PARVB: variants seen among roughly 807,000 people sequenced by gnomAD.
The protein encoded by PARVB is parvin beta.
PARVB carries 46 observed loss-of-function variants against 47.0 expected under a neutral mutation model. The observed-to-expected ratio is 0.98, with a 90% CI of 0.77 to 1.25. The LOEUF (loss-of-function observed/expected upper bound fraction) is 1.25, where lower values mean the gene tolerates loss of function less well. Ranked by LOEUF, PARVB falls within the 50% of genes most tolerant of loss-of-function variation. The probability of loss-of-function intolerance (pLI) is 0.00; values close to 1 mark genes in which losing one functional copy is unlikely to be tolerated. For synonymous variants in PARVB, 196 were observed against 196.3 expected, an observed-to-expected ratio of 1.00 and a Z score of 0.01; for missense variants, 473 against 471.6, an observed-to-expected ratio of 1.00 and a Z score of -0.03.
At chr22:44,098,546 G>C (rs545355257) in intron 2 of PARVB, among the ~76,000 whole-genome samples, 7 of 152,162 alleles carry the variant, frequency 4.6e-5, no homozygotes, top group Non-Finnish European at 1.0e-4. Context: ...CAGGAAATGA[G>C]GCGGGAGAGG....
At chr22:44,128,540 G>A (rs12158948) in intron 4 of PARVB, among the ~76,000 whole-genome samples, 15 of 152,328 alleles carry the variant, frequency 9.8e-5, no homozygotes, top group South Asian at 6.2e-4. Context: ...CAGCACACAG[G>A]CATGGCCAGT....
chr22:44,043,879 T>C (rs1396150061), intron 1 of PARVB, among the ~76,000 whole-genome samples: 1 of 152,182 alleles, frequency 6.6e-6, no homozygotes, highest in Non-Finnish European at 1.5e-5. Context: ...ACATGGAATT[T>C]TCAGTCTTCC....
Position 44,024,427 on chromosome 22 carries a change from G to A in PARVB, c.88G>A (p.Ala30Thr), listed in dbSNP as rs1427520477. Reference protein sequence around the residue: ...SFLGKLGGTLARKRRAREVSD... With the variant: ...SFLGKLGGTLTRKRRAREVSD... ...CCTGGGCAAGCTGGGCGGCACCCTGGCCAGGAAGCGGAGGGCGCGCGAGGG... is the reference window on the plus strand; with the variant it reads ...CCTGGGCAAGCTGGGCGGCACCCTGACCAGGAAGCGGAGGGCGCGCGAGGG... Residue 30 changes from alanine to threonine, a missense_variant, in exon 1 of 13, where the codon GCC (alanine) becomes ACC (threonine). Ala to Thr is a moderately conservative substitution (Grantham distance 58). Coordinates refer to ENST00000338758, the MANE Select transcript of PARVB (RefSeq NM_013327.5). 8.1e-7 allele frequency: 1 copy of A among 1,229,052 alleles called. No individual in the cohort carries two copies. The highest frequency in any genetic ancestry group is 3.8e-5 in the Admixed American group (1 of 26,506). 76.1% of individuals were successfully genotyped at this position (1,229,052 alleles called of 1,614,324 possible).
chr22:44,026,860 C>T (rs575861350), intron 1 of PARVB, among the ~76,000 whole-genome samples: 133 of 152,018 alleles, frequency 8.7e-4, no homozygotes, highest in African/African-American at 3.0e-3. Flanking sequence ...GGGGCGGGCT[C>T]ATCGGTGAGG....
At chr22:44,092,842 C>A (rs2052205114) in intron 1 of PARVB, among the ~76,000 whole-genome samples, 1 of 152,232 alleles carries the variant, frequency 6.6e-6, no homozygotes, top group African/African-American at 2.4e-5. Context: ...TCATCTGCCG[C>A]TGTGGAGGCT....
intron 1 of PARVB, among the ~76,000 whole-genome samples, chr22:44,026,674 G>A (rs558917896): frequency 2.0e-4 from 31 of 152,348 alleles, no homozygotes; most frequent in East Asian, 9.6e-4. Flanking sequence ...AGCTATGCTC[G>A]GTTGCCTACC....
chr22:44,047,508 A>C (rs1188404484), intron 1 of PARVB, among the ~76,000 whole-genome samples: 1 of 152,056 alleles, frequency 6.6e-6, no homozygotes, highest in African/African-American at 2.4e-5. Context: ...TGAAAATACC[A>C]AAATTAGCCG....
At chr22:44,151,457 T>C (rs760688997) in intron 9 of PARVB, 26 bp from the exon 10 acceptor site, 2 of 1,598,922 alleles carry the variant, frequency 1.3e-6, no homozygotes, top group South Asian at 1.1e-5. Context: ...CATTCATGGC[T>C]CCTGTGTCTC....
At chr22:44,062,953 G>C (rs369257932) in intron 1 of PARVB, among the ~76,000 whole-genome samples, 2 of 152,150 alleles carry the variant, frequency 1.3e-5, no homozygotes, top group African/African-American at 2.4e-5. Context: ...GGTGGGGTTG[G>C]GGGGTGTGGA....
chr22:44,006,481 C>T (rs937894025), intron 2 of PARVB, among the ~76,000 whole-genome samples: 2 of 151,940 alleles, frequency 1.3e-5, no homozygotes, highest in South Asian at 2.1e-4. Flanking sequence ...GAAAATCAGT[C>T]GGGCGTGGTG....
intron 4 of PARVB, among the ~76,000 whole-genome samples, chr22:44,130,864 T>A (rs2053292727): frequency 6.6e-6 from 1 of 152,156 alleles, no homozygotes; most frequent in Non-Finnish European, 1.5e-5. Context: ...TTCTTCCCTT[T>A]TCAATCTGGC....
At chr22:44,019,329 C>G (rs553545072), upstream of PARVB, among the ~76,000 whole-genome samples, 5 of 152,272 alleles carry the variant, frequency 3.3e-5, no homozygotes, top group African/African-American at 1.2e-4. Flanking sequence ...AGGTGATTCT[C>G]CTGCCTCAGC....
upstream of PARVB, among the ~76,000 whole-genome samples, chr22:44,023,583 AAAATAAAAT>A (rs2050681065): frequency 6.9e-6 from 1 of 145,096 alleles, no homozygotes. Flanking sequence ...AAAATAAAAT[AAAATAAAAT>A]AAAATAAAAT....
intron 1 of PARVB, among the ~76,000 whole-genome samples, chr22:44,052,704 A>C (rs1464528081): frequency 1.3e-5 from 2 of 152,150 alleles, no homozygotes; most frequent in African/African-American, 2.4e-5. Context: ...GCACTTTGGG[A>C]GGCTGAGGCA....
intron 3 of PARVB, among the ~76,000 whole-genome samples, chr22:44,102,220 A>C (rs1056498017): frequency 2.6e-5 from 4 of 152,028 alleles, no homozygotes; most frequent in Admixed American, 2.6e-4. Flanking sequence ...AACTTCCTCC[A>C]CCTTTTTGTT....
intron 1 of PARVB, among the ~76,000 whole-genome samples, chr22:44,037,758 C>T (rs2050946630): frequency 6.6e-6 from 1 of 152,242 alleles, no homozygotes; most frequent in African/African-American, 2.4e-5. Flanking sequence ...AAGCTGATGT[C>T]ATTCCTGGCA....
intron 1 of PARVB, among the ~76,000 whole-genome samples, chr22:44,059,253 C>T (rs1279192311): frequency 1.3e-5 from 2 of 151,956 alleles, no homozygotes; most frequent in African/African-American, 2.4e-5. Context: ...ACAATGTTGG[C>T]CAGGCTGGTC....
intron 1 of PARVB, among the ~76,000 whole-genome samples, chr22:44,070,113 G>A (rs2146976669): frequency 6.6e-6 from 1 of 152,208 alleles, no homozygotes; most frequent in East Asian, 1.9e-4. Flanking sequence ...TGCATCCCAG[G>A]GACTATCCCA....
chr22:44,140,736 G>T, intron 8 of PARVB: 1 of 374,498 alleles, frequency 2.7e-6, no homozygotes. Flanking sequence ...GAGATCACAG[G>T]TGAGTGCCCT....
Sources: allele counts gnomAD v4.1 joint callset (sites outside exome capture counted in the v4.1 genomes callset), GRCh38; gene constraint gnomAD v4.1.1; transcripts MANE v1.5; gene names NCBI Gene and HGNC (gene_info 2026-07-23, HGNC 2026-07-21).